Variants in SELENOO observed in about 807,000 individuals in gnomAD.
SELENOO encodes the protein selenoprotein O.
Under a neutral mutation model 58.7 loss-of-function variants are expected in SELENOO, and 74 were observed. That is an observed-to-expected ratio of 1.26 (90% CI 1.04 to 1.53). The LOEUF (loss-of-function observed/expected upper bound fraction) is 1.53, where lower values mean the gene tolerates loss of function less well. SELENOO is among the 40% of genes most tolerant of loss of function. The pLI is 0.00. For synonymous variants in SELENOO, 543 were observed against 453.2 expected (o/e 1.20, Z -2.52); for missense variants, 1,149 against 970.0 (o/e 1.18, Z -2.45).
chr22:50,209,048 T>TA (rs970420361), intron 3 of SELENOO, among the ~76,000 whole-genome samples: 5 of 152,300 alleles, frequency 3.3e-5, no homozygotes, highest in African/African-American at 1.2e-4. Flanking sequence ...TCGATACGTC[T>TA]TGATGCCCAG....
At chr22:50,208,853 T>C in intron 3 of SELENOO, 137 bp downstream of exon 3, 1 of 798,670 alleles carries the variant, frequency 1.3e-6, no homozygotes, top group Non-Finnish European at 1.9e-6. Context: ...CCCGCTCCTG[T>C]CCGCAAACCC....
At chr22:50,210,467 C>T (rs12158019) in intron 4 of SELENOO, among the ~76,000 whole-genome samples, 156 bp downstream of exon 4, 45 of 152,250 alleles carry the variant, frequency 3.0e-4, no homozygotes, top group African/African-American at 1.0e-3. Context: ...AGGGCAATCC[C>T]GGAGGCCTTG....
chr22:50,209,792 T>TG (rs200753980), intron 3 of SELENOO, among the ~76,000 whole-genome samples: 7,391 of 151,158 alleles, frequency 0.049, 267 homozygotes, highest in Non-Finnish European at 0.073. Flanking sequence ...GCTGTCTGGT[T>TG]GGGGGGGGCC....
intron 1 of SELENOO, among the ~76,000 whole-genome samples, chr22:50,205,366 G>A (rs1487173492): frequency 2.0e-5 from 3 of 152,178 alleles, no homozygotes; most frequent in Admixed American, 6.5e-5. Flanking sequence ...TGAGAGGATC[G>A]CTTGAGCCCA....
chr22:50,213,176 T>C (rs2064383548), intron 5 of SELENOO, among the ~76,000 whole-genome samples: 1 of 152,088 alleles, frequency 6.6e-6, no homozygotes, highest in African/African-American at 2.4e-5. Context: ...TTCTCCTCCT[T>C]CAGACTCCCA....
chr22:50,215,600 G>A (rs549056477), intron 5 of SELENOO, 117 bp from the exon 6 acceptor site: 5 of 822,542 alleles, frequency 6.1e-6, no homozygotes, highest in Admixed American at 5.0e-5. Context: ...GGTGGAGCAT[G>A]TGGGTGGGTC....
intron 1 of SELENOO, among the ~76,000 whole-genome samples, chr22:50,204,463 C>T (rs1398320650): frequency 6.6e-6 from 1 of 151,852 alleles, no homozygotes; most frequent in East Asian, 1.9e-4. Flanking sequence ...CCCAGCTCTA[C>T]AAAAAATACA....
At chr22:50,216,596 G>C in intron 6 of SELENOO, 95 bp from the exon 7 acceptor site, 1 of 1,203,326 alleles carries the variant, frequency 8.3e-7, no homozygotes, top group Non-Finnish European at 1.2e-6. Flanking sequence ...GACTCTAGGT[G>C]AGCCGTGAGA....
At chr22:50,214,145 G>A (rs535996882) in intron 5 of SELENOO, among the ~76,000 whole-genome samples, 1 of 152,080 alleles carries the variant, frequency 6.6e-6, no homozygotes, top group Non-Finnish European at 1.5e-5. Context: ...CTCTTGTAAC[G>A]ACTTTTTGTT....
At chr22:50,208,755 G>A (rs1232851415) in intron 3 of SELENOO, 39 bp downstream of exon 3, 2 of 1,581,840 alleles carry the variant, frequency 1.3e-6, no homozygotes, top group African/African-American at 1.3e-5. Context: ...GCGGGTGGAT[G>A]CTGGGTGTCC....
chr22:50,215,991 G>A (rs1179535010), intron 6 of SELENOO, 124 bp downstream of exon 6: 23 of 808,864 alleles, frequency 2.8e-5, no homozygotes, highest in Non-Finnish European at 3.8e-5. Context: ...TCCGCTCCCA[G>A]GGACAGATTC....
chr22:50,215,205 T>TCCC (rs1423927325), intron 5 of SELENOO, among the ~76,000 whole-genome samples: 6 of 152,200 alleles, frequency 3.9e-5, no homozygotes, highest in African/African-American at 1.4e-4. Flanking sequence ...CAGCAGCTTC[T>TCCC]CAACACTCGC....
At chr22:50,207,026 G>A (rs756817214) in intron 2 of SELENOO, among the ~76,000 whole-genome samples, 13 of 152,218 alleles carry the variant, frequency 8.5e-5, no homozygotes, top group South Asian at 2.1e-4. Context: ...AGCTGTGCGC[G>A]GTGTCCTGCT....
At position 50,201,368 on chromosome 22, in the gene SELENOO, C is replaced by A; in HGVS notation, c.332C>A (p.Pro111Gln). Residue 111 changes from proline to glutamine, a missense_variant, in exon 1 of 9, where the codon CCG becomes CAG. Coordinates refer to ENST00000380903, the MANE Select transcript of SELENOO (RefSeq NM_031454.2). ...PALALLGLGA[P>Q]PAREAEAEAA... is the part of the protein sequence containing the mutation. ...CTGGCGTTGCTGGGCCTGGGCGCGCCGCCCGCGCGCGAGGCCGAGGCCGAG... is the reference window on the plus strand; with the variant it reads ...CTGGCGTTGCTGGGCCTGGGCGCGCAGCCCGCGCGCGAGGCCGAGGCCGAG... The A allele has an allele frequency of 8.3e-7, 1 of 1,210,086 alleles. No individual in the cohort carries two copies. Among genetic ancestry groups the A allele is most frequent in the South Asian group, 3.5e-5 (1 of 28,816 alleles). The allele number at this position is 1,210,086 out of a possible 1,614,324, so 75.0% of individuals were successfully genotyped here. A position where few individuals can be genotyped will look rare whatever the true frequency, so the allele number is the denominator to read the frequency against.
chr22:50,210,720 G>A lies in SELENOO; in HGVS notation c.1160G>A (p.Arg387Gln), dbSNP rs757243876. The A allele has an allele frequency of 4.2e-5, 67 of 1,613,344 alleles. No individual in the cohort carries two copies. The highest frequency in any genetic ancestry group is 5.2e-5 in the Non-Finnish European group (61 of 1,180,016). ...KQPEVCRWNL[R>Q]KLAEALQPEL... ...CCCGAGGTGTGCAGGTGGAACCTGCGGAAGCTGGCCGAGGCCCTGCAGCCG... is the reference window on the plus strand; with the variant it reads ...CCCGAGGTGTGCAGGTGGAACCTGCAGAAGCTGGCCGAGGCCCTGCAGCCG... Residue 387 changes from arginine (R) to glutamine (Q), a missense_variant, in exon 5 of 9, where the codon CGG becomes CAG. Physicochemically the swap from Arg to Gln is conservative, Grantham distance 43. Transcript: ENST00000380903.
At chr22:50,208,348 T>A in intron 2 of SELENOO, 188 bp from the exon 3 acceptor site, 1 of 511,526 alleles carries the variant, frequency 2.0e-6, no homozygotes, top group Non-Finnish European at 3.5e-6. Flanking sequence ...TAGAATCACT[T>A]GAACCCAGAA....
chr22:50,216,679 G>T lies in SELENOO; in HGVS notation c.1503-12G>T, dbSNP rs762702005. On this transcript the variant is annotated splice_polypyrimidine_tract_variant and intron_variant, in intron 6 of 8. Transcript: ENST00000380903. The stretch of plus-strand genomic sequence containing the variant: ...CAGGGGCTACCTCCCAGACACCCTG[G>T]CCTCTCCACAGGCAGCTATCCATGA... The T allele has an allele frequency of 2.5e-6, 4 of 1,573,970 alleles. No individual in the cohort carries two copies. The East Asian group carries it at 7.0e-5, about 28-fold the overall frequency.
intron 2 of SELENOO, 114 bp downstream of exon 2, chr22:50,206,634 TC>T: frequency 1.0e-6 from 1 of 966,106 alleles, no homozygotes; most frequent in Non-Finnish European, 1.5e-6. Context: ...CGCCTTGGCC[TC>T]TTCTGAAAGT....
intron 5 of SELENOO, among the ~76,000 whole-genome samples, chr22:50,211,846 G>C (rs180743974): frequency 6.6e-6 from 1 of 152,186 alleles, no homozygotes; most frequent in Non-Finnish European, 1.5e-5. Flanking sequence ...TGGGATTACA[G>C]GCACCCGCCA....
Sources: allele counts gnomAD v4.1 joint callset (sites outside exome capture counted in the v4.1 genomes callset), GRCh38; gene constraint gnomAD v4.1.1; transcripts MANE v1.5; gene names NCBI Gene and HGNC (gene_info 2026-07-23, HGNC 2026-07-21).